The following SGCZ variants were observed in gnomAD, a reference collection of about 807,000 sequenced individuals.
SGCZ encodes sarcoglycan zeta.
In SGCZ, 40 loss-of-function variants were observed where a neutral mutation model predicts 41.3. The observed-to-expected ratio is 0.97, with a 90% CI of 0.75 to 1.26. The LOEUF (loss-of-function observed/expected upper bound fraction) is 1.26, where lower values mean the gene tolerates loss of function less well. SGCZ is among the 50% of genes most tolerant of loss of function. The pLI, the probability that SGCZ is intolerant of heterozygous loss-of-function variation, is 0.00. For synonymous variants in SGCZ, 206 were observed against 137.5 expected (o/e 1.50, Z -3.49); for missense variants, 552 against 369.8 (o/e 1.49, Z -4.04).
intron 1 of SGCZ, among the ~76,000 whole-genome samples, chr8:14,880,276 T>A (rs1055865092): frequency 7.9e-5 from 12 of 152,190 alleles, no homozygotes; most frequent in African/African-American, 2.9e-4. Context: ...CCAGTTAGAA[T>A]GGTGATCATT....
intron 2 of SGCZ, among the ~76,000 whole-genome samples, chr8:14,363,691 G>A (rs1803605959): frequency 1.3e-5 from 2 of 152,146 alleles, no homozygotes; most frequent in Admixed American, 1.3e-4. Context: ...GTTATGCACA[G>A]TGGTTTGTGG....
intron 1 of SGCZ, among the ~76,000 whole-genome samples, chr8:14,741,965 G>A (rs548373754): frequency 5.3e-5 from 8 of 151,924 alleles, no homozygotes; most frequent in South Asian, 2.1e-4. Flanking sequence ...TAATATTCCC[G>A]TCTGTTTAGT....
At chr8:14,994,487 G>C (rs573308081) in intron 1 of SGCZ, among the ~76,000 whole-genome samples, 572 of 152,232 alleles carry the variant, frequency 3.8e-3, no homozygotes, top group South Asian at 0.012. Context: ...GGGAGGCTGA[G>C]GCAGGAGAAT....
intron 1 of SGCZ, among the ~76,000 whole-genome samples, chr8:14,681,787 T>C (rs1317032218): frequency 1.3e-5 from 2 of 152,142 alleles, no homozygotes; most frequent in African/African-American, 4.8e-5. Context: ...CTCTGCATGT[T>C]TTTTAATGTT....
intron 1 of SGCZ, among the ~76,000 whole-genome samples, chr8:14,986,796 A>G (rs1262161190): frequency 6.6e-6 from 1 of 151,992 alleles, no homozygotes; most frequent in Non-Finnish European, 1.5e-5. Flanking sequence ...TGACCTGTCA[A>G]TTTAATAATA....
At chr8:15,192,421 A>G (rs982245131) in intron 1 of SGCZ, among the ~76,000 whole-genome samples, 1 of 152,152 alleles carries the variant, frequency 6.6e-6, no homozygotes, top group Non-Finnish European at 1.5e-5. Context: ...GTTTTAGTAC[A>G]TCAAAGATGC....
At chr8:14,455,547 G>A (rs907217264) in intron 2 of SGCZ, among the ~76,000 whole-genome samples, 13 of 151,522 alleles carry the variant, frequency 8.6e-5, no homozygotes, top group African/African-American at 2.7e-4. Flanking sequence ...GACAGATTAG[G>A]TAGATAGATA....
At chr8:14,385,902 T>C (rs563737415) in intron 2 of SGCZ, among the ~76,000 whole-genome samples, 1 of 152,142 alleles carries the variant, frequency 6.6e-6, no homozygotes, top group Non-Finnish European at 1.5e-5. Flanking sequence ...TAAAATGGCA[T>C]AGTATTTGCA....
intron 1 of SGCZ, among the ~76,000 whole-genome samples, chr8:14,964,198 T>G (rs1801058133): frequency 6.6e-6 from 1 of 152,172 alleles, no homozygotes; most frequent in African/African-American, 2.4e-5. Context: ...CTTCAAACCT[T>G]TTTTTCTCTC....
intron 4 of SGCZ, among the ~76,000 whole-genome samples, chr8:14,197,458 A>G (rs1258965619): frequency 6.6e-6 from 1 of 152,112 alleles, no homozygotes; most frequent in African/African-American, 2.4e-5. Flanking sequence ...TACATCATAG[A>G]TAATGTTGTT....
chr8:14,554,534 C>T (rs768692712), intron 2 of SGCZ, among the ~76,000 whole-genome samples, 198 bp downstream of exon 2: 9 of 151,926 alleles, frequency 5.9e-5, no homozygotes, highest in Non-Finnish European at 1.2e-4. Flanking sequence ...ACTTAAATGG[C>T]AGGTAGTAAT....
At chr8:14,131,004 C>T (rs1803024662) in intron 5 of SGCZ, among the ~76,000 whole-genome samples, 1 of 152,174 alleles carries the variant, frequency 6.6e-6, no homozygotes, top group Admixed American at 6.5e-5. Flanking sequence ...ACCACCTCCT[C>T]AAACTCATCT....
intron 2 of SGCZ, among the ~76,000 whole-genome samples, chr8:14,370,553 T>C (rs1024117370): frequency 6.6e-6 from 1 of 152,020 alleles, no homozygotes; most frequent in Non-Finnish European, 1.5e-5. Flanking sequence ...TAAATCTTTA[T>C]ATTCTTACTC....
chr8:14,907,280 G>A (rs1447268909), intron 1 of SGCZ, among the ~76,000 whole-genome samples: 1 of 152,032 alleles, frequency 6.6e-6, no homozygotes, highest in Non-Finnish European at 1.5e-5. Context: ...CCGCAGCCTT[G>A]TACTTATGGC....
At chr8:14,594,174 CAAAA>C (rs1195059808) in intron 1 of SGCZ, among the ~76,000 whole-genome samples, 139 of 116,892 alleles carry the variant, frequency 1.2e-3, no homozygotes, top group East Asian at 6.5e-3. Flanking sequence ...GACTCCATCT[CAAAA>C]AATAAATAAA....
intron 1 of SGCZ, among the ~76,000 whole-genome samples, chr8:14,560,610 CTT>C (rs1013539087): frequency 5.9e-5 from 9 of 152,014 alleles, no homozygotes; most frequent in Non-Finnish European, 1.0e-4. Flanking sequence ...TTAAAGCAAA[CTT>C]ATTTTCTAGA....
At chr8:14,894,241 T>A (rs1012599470) in intron 1 of SGCZ, among the ~76,000 whole-genome samples, 1 of 152,162 alleles carries the variant, frequency 6.6e-6, no homozygotes, top group Non-Finnish European at 1.5e-5. Flanking sequence ...AAAAAAGAAC[T>A]GCTTTCCGAA....
intron 1 of SGCZ, among the ~76,000 whole-genome samples, chr8:14,956,879 G>T (rs941224440): frequency 1.3e-5 from 2 of 152,032 alleles, no homozygotes; most frequent in African/African-American, 4.8e-5. Flanking sequence ...TTTACCTTTT[G>T]TCTGGTATTT....
At position 14,349,206 on chromosome 8, in the gene SGCZ, C is replaced by A. The variant is rs756777916; in HGVS notation, c.235-25002G>T. On this transcript the variant is annotated intron_variant, in intron 2 of 7. Coordinates refer to ENST00000382080, the MANE Select transcript of SGCZ (RefSeq NM_139167.4). The stretch of plus-strand genomic sequence containing the variant: ...TAATGTCCATATGGAAAAATTAATT[C>A]GCATTACCAAAATCGGTTGCCTGGA... Among the ~76,000 whole-genome samples the A allele has an allele frequency of 2.0e-5, 3 of 152,042 alleles. No individual in the cohort carries two copies. In the East Asian group the frequency reaches 5.8e-4, roughly 29 times the overall value.
Sources: gnomAD v4.1 joint callset for allele counts (sites outside exome capture counted in the v4.1 genomes callset) on GRCh38, gnomAD v4.1.1 for gene constraint, MANE v1.5 for transcripts, NCBI Gene and HGNC (gene_info 2026-07-23, HGNC 2026-07-21) for gene names.